The following VPS13A variants were observed in gnomAD, a reference collection of about 807,000 sequenced individuals.
VPS13A encodes intermembrane lipid transfer protein VPS13A.
Under a neutral mutation model 390.9 loss-of-function variants are expected in VPS13A, and 264 were observed. The ratio of observed to expected loss-of-function variants is 0.68; its 90% CI spans 0.61 to 0.75. The LOEUF (loss-of-function observed/expected upper bound fraction) is 0.75. Among genes scored for constraint, VPS13A ranks in the 30% least tolerant of loss-of-function variants. VPS13A has a pLI of 0.00. For synonymous variants in VPS13A, 1,231 were observed against 1,227.1 expected (o/e 1.00, Z -0.07); for missense variants, 3,409 against 3,733.9 (o/e 0.91, Z 2.27).
At chr9:77,383,910 A>AT (rs1211557882) in intron 68 of VPS13A, among the ~76,000 whole-genome samples, 1 of 150,000 alleles carries the variant, frequency 6.7e-6, no homozygotes, top group African/African-American at 2.4e-5. Context: ...TGCAGTTAGC[A>AT]TTTTTTTCTT....
At chr9:77,271,277 G>C (rs1235725625) in intron 23 of VPS13A, among the ~76,000 whole-genome samples, 3 of 152,130 alleles carry the variant, frequency 2.0e-5, no homozygotes, top group Non-Finnish European at 4.4e-5. Context: ...TGGTTAGAAT[G>C]GCTAAAAATA....
chr9:77,257,551 G>A (rs1395783432), intron 22 of VPS13A, among the ~76,000 whole-genome samples: 2 of 152,108 alleles, frequency 1.3e-5, no homozygotes, highest in Non-Finnish European at 2.9e-5. Flanking sequence ...CAAGGAGTTT[G>A]AGACCAGCCT....
intron 34 of VPS13A, among the ~76,000 whole-genome samples, chr9:77,304,983 G>T (rs1398670890): frequency 1.3e-5 from 2 of 149,830 alleles, no homozygotes; most frequent in African/African-American, 4.9e-5. Context: ...CTGTTGCCCA[G>T]GCTGGAGTGC....
In VPS13A at chr9:77,343,766, A is replaced by C. The variant is rs1218350735; in HGVS notation, c.7027-387A>C. Among the ~76,000 whole-genome samples, 3 of 152,282 alleles carry C rather than the reference A, an allele frequency of 2.0e-5. No homozygotes were observed. The East Asian group carries it at 5.8e-4, about 29-fold the overall frequency. On this transcript the variant is annotated intron_variant, in intron 50 of 71. Coordinates refer to ENST00000360280, the MANE Select transcript of VPS13A (RefSeq NM_033305.3). ...TCTGCCTAATTTCCAGATAATGTTC[A>C]TACCTGATTTTGATTTTTAGTAACT...
chr9:77,299,194 A>T (rs563926539), intron 33 of VPS13A, among the ~76,000 whole-genome samples: 2 of 152,276 alleles, frequency 1.3e-5, no homozygotes, highest in Admixed American at 1.3e-4. Context: ...AGGTAGTGTG[A>T]TGCCTCCAGC....
chr9:77,322,833 A>C (rs1829821792), intron 44 of VPS13A, among the ~76,000 whole-genome samples: 1 of 151,944 alleles, frequency 6.6e-6, no homozygotes, highest in Non-Finnish European at 1.5e-5. Flanking sequence ...CTCATTTTTG[A>C]AACGTTTGCT....
intron 71 of VPS13A, among the ~76,000 whole-genome samples, chr9:77,408,615 T>C (rs1834744539): frequency 6.6e-6 from 1 of 152,072 alleles, no homozygotes. Flanking sequence ...TTTCCAACGG[T>C]CTTAGCAACC....
intron 45 of VPS13A, among the ~76,000 whole-genome samples, chr9:77,330,620 A>G (rs1830232041): frequency 6.6e-6 from 1 of 152,226 alleles, no homozygotes; most frequent in African/African-American, 2.4e-5. Flanking sequence ...ATTTATAATC[A>G]GAAAATATGT....
intron 32 of VPS13A, 36 bp downstream of exon 32, chr9:77,293,544 T>A: frequency 8.3e-7 from 1 of 1,207,538 alleles, no homozygotes; most frequent in Non-Finnish European, 1.1e-6. Flanking sequence ...TATTTTATAC[T>A]AATTGGAAAT....
chr9:77,326,181 AT>A (rs1311752885), intron 45 of VPS13A, among the ~76,000 whole-genome samples: 1 of 151,178 alleles, frequency 6.6e-6, no homozygotes, highest in South Asian at 2.1e-4. Flanking sequence ...AGCTTTTGAG[AT>A]TTTTTTTCTT....
chr9:77,306,391 A>AGAGAGG (rs1828741990), intron 34 of VPS13A, among the ~76,000 whole-genome samples: 1 of 135,350 alleles, frequency 7.4e-6, no homozygotes, highest in African/African-American at 3.2e-5. Flanking sequence ...CTCCAGAGAG[A>AGAGAGG]GAGAGAGAGA....
At chr9:77,229,523 A>G (rs992180509) in intron 17 of VPS13A, among the ~76,000 whole-genome samples, 1 of 152,222 alleles carries the variant, frequency 6.6e-6, no homozygotes, top group Non-Finnish European at 1.5e-5. Flanking sequence ...GAATGTAGTC[A>G]TACAATATCT....
rs1835251841 is a variant in VPS13A, at chr9:77,418,781, T to C, written c.*2775T>C. On this transcript the variant is annotated 3_prime_UTR_variant, in exon 72 of 72. Transcript: ENST00000360280. Reference sequence around the variant, plus strand: ...CTATCATAATTATCTCTCTCATTTCTTCCAATAGTAATAGCGGTAATATTG... The same window carrying C: ...CTATCATAATTATCTCTCTCATTTCCTCCAATAGTAATAGCGGTAATATTG... 1 of 152,214 alleles carries C rather than the reference T, an allele frequency of 6.6e-6. No homozygotes were observed. Among genetic ancestry groups the C allele is most frequent in the African/African-American group, 2.4e-5 (1 of 41,454 alleles). 9.4% of individuals were successfully genotyped at this position (152,214 alleles called of 1,614,324 possible).
At chr9:77,178,363 C>G (rs914959663) in intron 1 of VPS13A, among the ~76,000 whole-genome samples, 6 of 152,372 alleles carry the variant, frequency 3.9e-5, no homozygotes, top group Non-Finnish European at 5.9e-5. Context: ...TGCTCTCCCC[C>G]TTCCGGCCCT....
intron 67 of VPS13A, among the ~76,000 whole-genome samples, chr9:77,378,582 G>T (rs2131606382): frequency 6.6e-6 from 1 of 151,662 alleles, no homozygotes; most frequent in East Asian, 1.9e-4. Context: ...CATAATTTGG[G>T]TCTTCTTTTT....
intron 31 of VPS13A, among the ~76,000 whole-genome samples, chr9:77,289,349 G>T (rs1284204351): frequency 6.6e-6 from 1 of 151,968 alleles, no homozygotes; most frequent in Non-Finnish European, 1.5e-5. Context: ...GATATGATTG[G>T]ATTGTAATCT....
Position 77,238,191 on chromosome 9 carries a change from A to C in VPS13A, c.1785A>C (p.Ala595=), listed in dbSNP as rs778762993. The change falls in exon 18 of 72, where the codon GCA becomes GCC. Residue 595 remains alanine (A), a splice_region_variant and synonymous_variant. Coordinates refer to ENST00000360280, the MANE Select transcript of VPS13A (RefSeq NM_033305.3). ...AACCTTTAGAAATCATATATGATGCAGTAAGCATTTTTTTAAATTACTAAG... is the reference window on the plus strand; with the variant it reads ...AACCTTTAGAAATCATATATGATGCCGTAAGCATTTTTTTAAATTACTAAG... ...EAEPLEIIYD[A]RTVNSIVEFF... 2.5e-6 allele frequency: 4 copies of C among 1,612,710 alleles called. No homozygotes were observed. The highest frequency in any genetic ancestry group is 3.4e-6 in the Non-Finnish European group (4 of 1,178,928).
At chr9:77,217,625 C>T (rs1822935187) in intron 10 of VPS13A, among the ~76,000 whole-genome samples, 1 of 152,084 alleles carries the variant, frequency 6.6e-6, no homozygotes, top group South Asian at 2.1e-4. Context: ...ATCCATGTTG[C>T]TGCAAAAAAT....
chr9:77,311,138 A>G (rs1829049719), intron 35 of VPS13A, among the ~76,000 whole-genome samples: 1 of 151,864 alleles, frequency 6.6e-6, no homozygotes, highest in South Asian at 2.1e-4. Context: ...GTTACCCAGG[A>G]TGGTCTCGAT....
Sources: allele counts gnomAD v4.1 joint callset (sites outside exome capture counted in the v4.1 genomes callset), GRCh38; gene constraint gnomAD v4.1.1; transcripts MANE v1.5; gene names NCBI Gene and HGNC (gene_info 2026-07-23, HGNC 2026-07-21).